The following WDHD1 variants were observed in gnomAD, a reference collection of about 807,000 sequenced individuals.
The protein encoded by WDHD1 is WD repeat and HMG-box DNA binding protein 1.
Under a neutral mutation model 135.4 loss-of-function variants are expected in WDHD1, and 111 were observed. The ratio of observed to expected loss-of-function variants is 0.82; its 90% CI spans 0.70 to 0.96. The LOEUF (loss-of-function observed/expected upper bound fraction) is 0.96, where lower values mean the gene tolerates loss of function less well. WDHD1 is among the 40% of genes least tolerant of loss of function. The pLI, the probability that WDHD1 is intolerant of heterozygous loss-of-function variation, is 0.00. For missense variants in WDHD1, 1,351 were observed against 1,336.3 expected, an observed-to-expected ratio of 1.01 and a Z score of -0.17; for synonymous variants, 434 against 439.0, an observed-to-expected ratio of 0.99 and a Z score of 0.14.
At chr14:54,951,714 C>G (rs2041056888) in intron 24 of WDHD1, among the ~76,000 whole-genome samples, 1 of 152,172 alleles carries the variant, frequency 6.6e-6, no homozygotes. Context: ...GAATTTTAGA[C>G]CAATATCCCT....
chr14:55,004,669 T>C, intron 7 of WDHD1: 1 of 322,324 alleles, frequency 3.1e-6, no homozygotes, highest in South Asian at 2.7e-5. Context: ...CCCAGGCTGG[T>C]CTTGAACTCG....
intron 15 of WDHD1, among the ~76,000 whole-genome samples, chr14:54,983,586 T>C (rs772379707): frequency 1.3e-5 from 2 of 152,038 alleles, no homozygotes; most frequent in East Asian, 1.9e-4. Context: ...AGCAGGAGAA[T>C]TGCTGGAACC....
chr14:54,969,740 C>G (rs192620846), intron 16 of WDHD1, among the ~76,000 whole-genome samples: 1 of 152,222 alleles, frequency 6.6e-6, no homozygotes, highest in African/African-American at 2.4e-5. Context: ...CTGGCAAAGA[C>G]ACATCAAAAA....
At chr14:54,978,444 G>C (rs1211932114) in intron 16 of WDHD1, among the ~76,000 whole-genome samples, 4 of 152,030 alleles carry the variant, frequency 2.6e-5, no homozygotes, top group Non-Finnish European at 5.9e-5. Flanking sequence ...AATTAGCCAG[G>C]TGTGGTAGCC....
In WDHD1 at chr14:54,969,054, T is replaced by C. The variant is rs1408248166; in HGVS notation, c.2064-1660A>G. On this transcript the variant is annotated intron_variant, in intron 16 of 25. Transcript: ENST00000360586. Reference sequence around the variant, plus strand: ...GTTTCTATTTATTTATTTATTTATTTTTGAGACGGAGTCTCGCTTTGTTGC... The same window carrying C: ...GTTTCTATTTATTTATTTATTTATTCTTGAGACGGAGTCTCGCTTTGTTGC... Among the ~76,000 whole-genome samples, 4 of 152,042 alleles carry C rather than the reference T, an allele frequency of 2.6e-5. No individual in the cohort carries two copies. The East Asian group carries it at 5.8e-4, about 22-fold the overall frequency.
In WDHD1 at chr14:54,991,326, T is replaced by C. The variant is rs766079090; in HGVS notation, c.1228A>G (p.Asn410Asp). 1.9e-6 allele frequency: 3 copies of C among 1,614,204 alleles called. No homozygotes were observed. The highest frequency in any genetic ancestry group is 4.5e-5 in the East Asian group (2 of 44,890). ...EEDGQEGSIHNLPLVTSQRPF... is the reference protein window; with the variant it reads ...EEDGQEGSIHDLPLVTSQRPF... Reference sequence around the variant, plus strand: ...CTTTGGGATGTTACAAGTGGTAGATTGTGAATGCTGCCTTCTTGACCATCT... The same window carrying C: ...CTTTGGGATGTTACAAGTGGTAGATCGTGAATGCTGCCTTCTTGACCATCT... The change falls in exon 12 of 26, where the codon AAT becomes GAT. Residue 410 changes from asparagine to aspartate, a missense_variant. Around this residue, in one of 2 missense-constraint regions of WDHD1, gnomAD observed 1,330 missense variants for 1,296.1 expected, o/e 1.03. Transcript: ENST00000360586.
chr14:54,966,350 A>G (rs2041343957), intron 18 of WDHD1, 125 bp downstream of exon 18: 1 of 1,256,094 alleles, frequency 8.0e-7, no homozygotes. Flanking sequence ...AAACAACAAC[A>G]ACAACAAAAA....
chr14:54,955,708 C>A lies in WDHD1; in HGVS notation c.2917-14G>T. The A allele has an allele frequency of 6.6e-7, 1 of 1,519,134 alleles. No homozygotes were observed. Among genetic ancestry groups the A allele is most frequent in the Non-Finnish European group, 8.8e-7 (1 of 1,139,932 alleles). 94.1% of individuals were successfully genotyped at this position (1,519,134 alleles called of 1,614,324 possible). A position where few individuals can be genotyped will look rare whatever the true frequency, so the allele number is the denominator to read the frequency against. On this transcript the variant is annotated splice_polypyrimidine_tract_variant and intron_variant, in intron 23 of 25. Transcript: ENST00000360586. ...TGCTGCAGATGCCTATAAAAACAAA[C>A]ATGAATACTGCAATAACATCTAGTA... is the stretch of plus-strand genomic sequence containing the variant.
At chr14:54,948,630 C>CT (rs1483864889) in intron 24 of WDHD1, among the ~76,000 whole-genome samples, 1 of 152,212 alleles carries the variant, frequency 6.6e-6, no homozygotes, top group Non-Finnish European at 1.5e-5. Context: ...ATGTCCCTGT[C>CT]TGACAGCTTT....
chr14:55,009,140 G>A (rs2042122794), intron 4 of WDHD1, among the ~76,000 whole-genome samples: 1 of 151,964 alleles, frequency 6.6e-6, no homozygotes, highest in Non-Finnish European at 1.5e-5. Flanking sequence ...TATAAAATTT[G>A]GCACCCAAAT....
At chr14:54,983,432 G>A (rs2041649361) in intron 15 of WDHD1, among the ~76,000 whole-genome samples, 1 of 151,880 alleles carries the variant, frequency 6.6e-6, no homozygotes, top group African/African-American at 2.4e-5. Flanking sequence ...CAGCACTTCA[G>A]GAGGTCGAGG....
At chr14:54,945,887 G>T (rs1413251338) in intron 24 of WDHD1, among the ~76,000 whole-genome samples, 1 of 152,076 alleles carries the variant, frequency 6.6e-6, no homozygotes, top group Admixed American at 6.6e-5. Context: ...TCACTAGGCT[G>T]AACCTAAATG....
intron 2 of WDHD1, among the ~76,000 whole-genome samples, chr14:55,017,179 T>A (rs997542110): frequency 2.6e-5 from 4 of 152,210 alleles, no homozygotes; most frequent in African/African-American, 9.7e-5. Flanking sequence ...ATTTTTACAG[T>A]AATACAAATA....
chr14:55,003,379 C>T (rs1265507659), intron 7 of WDHD1, among the ~76,000 whole-genome samples: 1 of 151,552 alleles, frequency 6.6e-6, no homozygotes, highest in Non-Finnish European at 1.5e-5. Flanking sequence ...CCATTGTGGG[C>T]GCGTGCCTCT....
Position 55,023,552 on chromosome 14 carries a change from A to C in WDHD1, c.77+3159T>G, listed in dbSNP as rs78794799. On this transcript the variant is annotated intron_variant, in intron 2 of 25. Transcript: ENST00000360586. Reference sequence around the variant, plus strand: ...GCTTCTTAGGAGTATGTCCAGCATCACTAGTGGCACTTCATATGATTCCCA... The same window carrying C: ...GCTTCTTAGGAGTATGTCCAGCATCCCTAGTGGCACTTCATATGATTCCCA... Among the ~76,000 whole-genome samples, 1,506 of 152,322 alleles carry C rather than the reference A, an allele frequency of 9.9e-3. 24 individuals are homozygous for C. Among genetic ancestry groups the C allele is most frequent in the African/African-American group, 0.035 (1,444 of 41,576 alleles).
intron 2 of WDHD1, among the ~76,000 whole-genome samples, chr14:55,016,772 G>A (rs1268338414): frequency 6.6e-6 from 1 of 152,178 alleles, no homozygotes; most frequent in Non-Finnish European, 1.5e-5. Flanking sequence ...GGACAGCGCA[G>A]CATTAAAAGA....
intron 21 of WDHD1, among the ~76,000 whole-genome samples, chr14:54,958,542 C>T (rs911172650): frequency 6.6e-6 from 1 of 152,216 alleles, no homozygotes; most frequent in Non-Finnish European, 1.5e-5. Context: ...TCTCCTCTTG[C>T]TAAGGCCCTC....
At chr14:55,007,517 C>T in intron 6 of WDHD1, 142 bp from the exon 7 acceptor site, 1 of 582,434 alleles carries the variant, frequency 1.7e-6, no homozygotes, top group Admixed American at 3.4e-5. Context: ...TATAATAATA[C>T]CTGATATACC....
intron 12 of WDHD1, among the ~76,000 whole-genome samples, chr14:54,989,629 G>A (rs1302974530): frequency 1.3e-5 from 2 of 151,296 alleles, no homozygotes; most frequent in Non-Finnish European, 2.9e-5. Flanking sequence ...ACTATTCTAT[G>A]ATAAAATAAA....
Sources: allele counts gnomAD v4.1 joint callset (sites outside exome capture counted in the v4.1 genomes callset), GRCh38; gene constraint gnomAD v4.1.1; regional missense constraint gnomAD v4.1.1; transcripts MANE v1.5; gene names NCBI Gene and HGNC (gene_info 2026-07-23, HGNC 2026-07-21).